PRUNE2: variants seen among roughly 807,000 people sequenced by gnomAD.
PRUNE2 encodes the protein protein prune homolog 2.
A neutral mutation model predicts 252.0 loss-of-function variants in PRUNE2; 164 were observed. The observed-to-expected ratio is 0.65, with a 90% CI of 0.57 to 0.74. PRUNE2 has a LOEUF of 0.74. Ranked by LOEUF, PRUNE2 falls within the 30% of genes least tolerant of loss-of-function variation. The pLI is 0.00. For missense variants in PRUNE2, 3,495 were observed against 3,711.0 expected (o/e 0.94, Z 1.51); for synonymous variants, 1,292 against 1,350.2 (o/e 0.96, Z 0.94).
intron 18 of PRUNE2, 54 bp downstream of exon 18, chr9:76,619,286 A>T: frequency 8.3e-7 from 1 of 1,197,684 alleles, no homozygotes; most frequent in Non-Finnish European, 1.2e-6. Flanking sequence ...TTCAGAGCCC[A>T]GCCATACAAC....
At chr9:76,653,871 C>A (rs1848326059) in intron 10 of PRUNE2, among the ~76,000 whole-genome samples, 1 of 152,108 alleles carries the variant, frequency 6.6e-6, no homozygotes, top group African/African-American at 2.4e-5. Flanking sequence ...TATGCATCTT[C>A]CCGCTCAGCT....
chr9:76,705,228 C>A lies in PRUNE2; in HGVS notation c.7046G>T (p.Trp2349Leu). The A allele has an allele frequency of 1.2e-6, 2 of 1,614,016 alleles. No homozygotes were observed. The highest frequency in any genetic ancestry group is 1.7e-6 in the Non-Finnish European group (2 of 1,179,888). ...CATTACATCATATTCAAAATCACCC[C>A]ACGAGGCTTCAGATGAGCAGATATC... ...KQDICSSEAS[W>L]GDFEYDVMGQ... Residue 2349 changes from tryptophan (W) to leucine (L), a missense_variant, in exon 8 of 19, where the codon TGG becomes TTG. By Grantham distance (61) the Trp-to-Leu change is moderately conservative. Coordinates refer to ENST00000376718, the MANE Select transcript of PRUNE2 (RefSeq NM_015225.3).
At chr9:76,669,734 C>G (rs2040944164) in intron 9 of PRUNE2, among the ~76,000 whole-genome samples, 1 of 152,198 alleles carries the variant, frequency 6.6e-6, no homozygotes, top group Non-Finnish European at 1.5e-5. Context: ...AATTCCAACT[C>G]TTTACCCAGG....
Position 76,665,913 on chromosome 9 carries a change from AAAC to A in PRUNE2, c.8277-10414_8277-10412del, listed in dbSNP as rs545508609. ...CTGTTTCAGTATAATAAAATATATA[AAAC>A]AACAAGAATTATACTAGATCTAGAT... On this transcript the variant is annotated intron_variant, in intron 9 of 18. Coordinates refer to ENST00000376718, the MANE Select transcript of PRUNE2 (RefSeq NM_015225.3). 1.8e-4 allele frequency among the ~76,000 whole-genome samples: 28 copies of A among 152,260 alleles called. No individual in the cohort carries two copies. The South Asian group carries it at 5.2e-3, about 28-fold the overall frequency.
At chr9:76,663,968 A>C (rs1280040342) in intron 9 of PRUNE2, among the ~76,000 whole-genome samples, 1 of 152,186 alleles carries the variant, frequency 6.6e-6, no homozygotes, top group East Asian at 1.9e-4. Flanking sequence ...CAAACTGAAC[A>C]TGTTCAAAAC....
At chr9:76,656,459 T>C (rs1026143015) in intron 9 of PRUNE2, among the ~76,000 whole-genome samples, 2 of 152,192 alleles carry the variant, frequency 1.3e-5, no homozygotes, top group Non-Finnish European at 2.9e-5. Context: ...CTTCTGCCTC[T>C]CTTACTGTAC....
Position 76,775,811 on chromosome 9 carries a change from C to T in PRUNE2, c.756+47821G>A, listed in dbSNP as rs560209519. 1.1e-4 allele frequency among the ~76,000 whole-genome samples: 16 copies of T among 152,330 alleles called. No individual in the cohort carries two copies. In the South Asian group the frequency reaches 3.3e-3, roughly 32 times the overall value. On this transcript the variant is annotated intron_variant, in intron 6 of 18. Coordinates refer to ENST00000376718, the MANE Select transcript of PRUNE2 (RefSeq NM_015225.3). Reference sequence around the variant, plus strand: ...AGGATTGCTCACCCGGCCTTCATGCCGGCTATGCAGGCCCATTTCTAACAC... The same window carrying T: ...AGGATTGCTCACCCGGCCTTCATGCTGGCTATGCAGGCCCATTTCTAACAC...
chr9:76,727,691 T>C (rs2048226682), intron 6 of PRUNE2, among the ~76,000 whole-genome samples: 2 of 148,720 alleles, frequency 1.3e-5, no homozygotes, highest in South Asian at 4.3e-4. Flanking sequence ...TATTCCAACT[T>C]AGTTATGGGT....
chr9:76,695,861 C>T (rs1375712620), intron 9 of PRUNE2, among the ~76,000 whole-genome samples: 1 of 151,404 alleles, frequency 6.6e-6, no homozygotes, highest in African/African-American at 2.4e-5. Context: ...GAGACAGATG[C>T]AACAGAATCA....
chr9:76,872,573 A>G (rs2061270656), intron 1 of PRUNE2, among the ~76,000 whole-genome samples: 1 of 151,236 alleles, frequency 6.6e-6, no homozygotes, highest in East Asian at 1.9e-4. Flanking sequence ...TAAGTTAAAA[A>G]AACAATTTTA....
chr9:76,737,022 T>C (rs1363315901), intron 6 of PRUNE2: 1 of 152,116 alleles, frequency 6.6e-6, no homozygotes. Context: ...AGATGGTAAA[T>C]GGAGAGGCTA....
intron 6 of PRUNE2, among the ~76,000 whole-genome samples, chr9:76,798,601 T>C (rs1211733573): frequency 6.6e-6 from 1 of 152,100 alleles, no homozygotes; most frequent in Non-Finnish European, 1.5e-5. Context: ...GGATGAACAA[T>C]CAAATATTTC....
Position 76,826,611 on chromosome 9 carries a change from G to T in PRUNE2, c.630C>A (p.Asn210Lys). The T allele has an allele frequency of 1.2e-6, 2 of 1,610,382 alleles. No homozygotes were observed. Among genetic ancestry groups the T allele is most frequent in the Non-Finnish European group, 1.7e-6 (2 of 1,177,832 alleles). ...CACTGAACTGGGTCTCCTGTAGGAC[G>T]TTGATGATGTCCTCTCTTGGAGGCA... ...PNLPPREDII[N>K]VLQETQFSAQ... The change falls in exon 5 of 19, where the codon AAC (asparagine) becomes AAA (lysine). Residue 210 changes from asparagine (N) to lysine (K), a missense_variant. Transcript: ENST00000376718.
At chr9:76,640,918 A>G (rs182783610) in intron 12 of PRUNE2, among the ~76,000 whole-genome samples, 129 of 152,360 alleles carry the variant, frequency 8.5e-4, no homozygotes, top group Middle Eastern at 6.8e-3. Flanking sequence ...TGTTACAGTA[A>G]TTTCAAGATC....
chr9:76,708,374 C>A lies in PRUNE2; in HGVS notation c.3900G>T (p.Leu1300Phe). 6.2e-7 allele frequency: 1 copy of A among 1,613,834 alleles called. No individual in the cohort carries two copies. The highest frequency in any genetic ancestry group is 8.5e-7 in the Non-Finnish European group (1 of 1,179,892). ...ACCCTGGATTCTCAAGCCTAGTCGC[C>A]AAGGATGCTGCATCACTTTGCAGGG... ...RETLQSDAAS[L>F]ATRLENPGYF... The change falls in exon 8 of 19, where the codon TTG becomes TTT. Residue 1300 changes from leucine (L) to phenylalanine (F), a missense_variant. Leu to Phe is a conservative substitution (Grantham distance 22). Coordinates refer to ENST00000376718, the MANE Select transcript of PRUNE2 (RefSeq NM_015225.3).
chr9:76,822,271 T>C (rs765957242), intron 6 of PRUNE2, among the ~76,000 whole-genome samples: 4 of 152,208 alleles, frequency 2.6e-5, no homozygotes, highest in Non-Finnish European at 5.9e-5. Flanking sequence ...ATCAAGTGCA[T>C]ACAATGAGAA....
At chr9:76,771,714 A>C (rs894104887) in intron 6 of PRUNE2, among the ~76,000 whole-genome samples, 1 of 152,180 alleles carries the variant, frequency 6.6e-6, no homozygotes, top group African/African-American at 2.4e-5. Flanking sequence ...CCAAACCTAA[A>C]TGTCATTCTG....
chr9:76,615,156 T>C, intron 18 of PRUNE2: 1 of 985,546 alleles, frequency 1.0e-6, no homozygotes, highest in Non-Finnish European at 1.2e-6. Flanking sequence ...GTCAAATGGG[T>C]TCCCAAGTAT....
At chr9:76,785,158 T>C (rs1220723463) in intron 6 of PRUNE2, 1 of 152,252 alleles carries the variant, frequency 6.6e-6, no homozygotes, top group Non-Finnish European at 1.5e-5. Context: ...AAACAAAATC[T>C]AACTTGTAAT....
Sources: allele counts gnomAD v4.1 joint callset (sites outside exome capture counted in the v4.1 genomes callset), GRCh38; gene constraint gnomAD v4.1.1; transcripts MANE v1.5; gene names NCBI Gene and HGNC (gene_info 2026-07-23, HGNC 2026-07-21).